Variants in COX4I1 observed in about 807,000 individuals in gnomAD.
COX4I1 encodes cytochrome c oxidase subunit 4I1.
COX4I1 carries 18 observed loss-of-function variants against 21.7 expected under a neutral mutation model. That is an observed-to-expected ratio of 0.83 (90% CI 0.57 to 1.23). The LOEUF is 1.23. Among genes scored for constraint, COX4I1 ranks in the 50% most tolerant of loss-of-function variants. COX4I1 has a pLI of 0.00. For synonymous variants in COX4I1, 100 were observed against 81.5 expected, an observed-to-expected ratio of 1.23 and a Z score of -1.23; for missense variants, 238 against 220.7, an observed-to-expected ratio of 1.08 and a Z score of -0.50.
At chr16:85,806,704 A>C in intron 4 of COX4I1, 34 bp from the exon 5 acceptor site, 1 of 1,613,948 alleles carries the variant, frequency 6.2e-7, no homozygotes, top group South Asian at 1.1e-5. Context: ...ACCTGTTGAG[A>C]TAGTCTTGCC....
At chr16:85,802,080 G>T (rs1905809056) in intron 2 of COX4I1, among the ~76,000 whole-genome samples, 1 of 152,140 alleles carries the variant, frequency 6.6e-6, no homozygotes, top group South Asian at 2.1e-4. Flanking sequence ...GGTCTTGCCT[G>T]CCTTTCCGAT....
In COX4I1 at chr16:85,804,936, G is replaced by C; in HGVS notation, c.74-1G>C. ...AAAGATTTATTCAATATGTTTTTCA[G>C]AAAGTGTTGTGAAGAGCGAAGACTT... On this transcript the variant is annotated splice_acceptor_variant, in intron 2 of 4. Coordinates refer to ENST00000253452, the MANE Select transcript of COX4I1 (RefSeq NM_001861.6). LOFTEE classifies it high-confidence loss of function. 1 of 1,599,472 alleles carries C rather than the reference G, an allele frequency of 6.3e-7. No homozygotes were observed. Among genetic ancestry groups the C allele is most frequent in the Non-Finnish European group, 8.5e-7 (1 of 1,173,432 alleles).
At chr16:85,800,930 T>C (rs1302068303) in intron 1 of COX4I1, among the ~76,000 whole-genome samples, 3 of 152,206 alleles carry the variant, frequency 2.0e-5, no homozygotes, top group African/African-American at 7.2e-5. Context: ...GGCCTCTCCT[T>C]GTTTTTTTAA....
At chr16:85,806,199 A>C (rs1906185817) in intron 4 of COX4I1, 2 of 589,246 alleles carry the variant, frequency 3.4e-6, no homozygotes, top group Admixed American at 3.1e-5. Flanking sequence ...GAGCAAGGAT[A>C]AGGGGACTCA....
intron 4 of COX4I1, 37 bp downstream of exon 4, chr16:85,805,901 T>C (rs1567844612): frequency 6.2e-7 from 1 of 1,612,988 alleles, no homozygotes; most frequent in Non-Finnish European, 8.5e-7. Flanking sequence ...GCGCCTGGAC[T>C]GGGGCTCCAG....
intron 3 of COX4I1, 100 bp from the exon 4 acceptor site, chr16:85,805,633 C>G (rs1404222969): frequency 6.5e-7 from 1 of 1,550,174 alleles, no homozygotes; most frequent in African/African-American, 1.4e-5. Context: ...TCTGTGTTTC[C>G]TCCTTCACAA....
At chr16:85,801,299 T>A in intron 2 of COX4I1, 21 bp downstream of exon 2, 1 of 1,597,406 alleles carries the variant, frequency 6.3e-7, no homozygotes, top group Non-Finnish European at 8.6e-7. Flanking sequence ...CTTTTCTTAC[T>A]TTTAAATAGG....
At position 85,805,576 on chromosome 16, in the gene COX4I1, C is replaced by T. The variant is rs149364130; in HGVS notation, c.242-157C>T. 3,111 of 1,049,004 alleles carry T rather than the reference C, an allele frequency of 3.0e-3. 31 individuals are homozygous for T. Among genetic ancestry groups the T allele is most frequent in the African/African-American group, 0.029 (1,853 of 63,264 alleles). 65.0% of individuals were successfully genotyped at this position (1,049,004 alleles called of 1,614,324 possible). On this transcript the variant is annotated intron_variant, in intron 3 of 4. Coordinates refer to ENST00000253452, the MANE Select transcript of COX4I1 (RefSeq NM_001861.6). Reference sequence around the variant, plus strand: ...ATGCCTGCGTGGGCACGTGTGTGCACGTACGTGCGTGAACATGATGTGGCC... The same window carrying T: ...ATGCCTGCGTGGGCACGTGTGTGCATGTACGTGCGTGAACATGATGTGGCC...
At chr16:85,805,551 A>T in intron 3 of COX4I1, 182 bp from the exon 4 acceptor site, 1 of 798,976 alleles carries the variant, frequency 1.3e-6, no homozygotes, top group Non-Finnish European at 1.9e-6. Context: ...GCCCTGTCAC[A>T]TGCCTGCGTG....
Position 85,805,755 on chromosome 16 carries a change from G to T in COX4I1, c.264G>T (p.Glu88Asp), listed in dbSNP as rs1276833253. Reference protein sequence around the residue: ...KVELYRIKFKESFAEMNRGSN... With the variant: ...KVELYRIKFKDSFAEMNRGSN... The stretch of plus-strand genomic sequence containing the variant: ...CAGTGTATCGCATTAAGTTCAAGGA[G>T]AGCTTTGCTGAGATGAACAGGGGCT... Residue 88 changes from glutamate to aspartate, a missense_variant, in exon 4 of 5, where the codon GAG (glutamate) becomes GAT (aspartate). Glu to Asp is a conservative substitution (Grantham distance 45, BLOSUM62 2). Transcript: ENST00000253452. The T allele has an allele frequency of 6.2e-7, 1 of 1,614,148 alleles. No homozygotes were observed. Among genetic ancestry groups the T allele is most frequent in the Non-Finnish European group, 8.5e-7 (1 of 1,180,064 alleles).
At position 85,805,329 on chromosome 16, in the gene COX4I1, G is replaced by T. The variant is rs1342384422; in HGVS notation, c.241+225G>T. 8 of 556,430 alleles carry T rather than the reference G, an allele frequency of 1.4e-5. No homozygotes were observed. The African/African-American group carries it at 1.5e-4, about 10-fold the overall frequency. The allele number at this position is 556,430 out of a possible 1,614,324, so 34.5% of individuals were successfully genotyped here. On this transcript the variant is annotated intron_variant, in intron 3 of 4. Transcript: ENST00000253452. ...TTTGCTAGGCCCCCTTCTCTGTGCTGAGTGGAGGTAGCCTCTCAGCATATC... is the reference window on the plus strand; with the variant it reads ...TTTGCTAGGCCCCCTTCTCTGTGCTTAGTGGAGGTAGCCTCTCAGCATATC...
At chr16:85,805,180 C>T (rs1906092381) in intron 3 of COX4I1, 76 bp downstream of exon 3, 1 of 1,374,464 alleles carries the variant, frequency 7.3e-7, no homozygotes, top group Non-Finnish European at 9.5e-7. Flanking sequence ...CTGCTCACTT[C>T]TGGGCCTACT....
chr16:85,806,678 G>C lies in COX4I1; in HGVS notation c.374-60G>C, dbSNP rs1555601134. The C allele has an allele frequency of 1.3e-5, 21 of 1,613,608 alleles. No homozygotes were observed. The South Asian group carries it at 2.1e-4, about 16-fold the overall frequency. On this transcript the variant is annotated intron_variant, in intron 4 of 4. Coordinates refer to ENST00000253452, the MANE Select transcript of COX4I1 (RefSeq NM_001861.6). ...TCGGGAGGATTTAACCTGTGTGAGG[G>C]ATTGGCCTAGAAACAACCTGTTGAG...
chr16:85,800,059 C>A (rs1487015197), intron 1 of COX4I1, among the ~76,000 whole-genome samples: 4 of 150,940 alleles, frequency 2.7e-5, no homozygotes. Context: ...GGCGGGCCCG[C>A]GCTCTGTGCC....
intron 2 of COX4I1, 92 bp from the exon 3 acceptor site, chr16:85,804,845 C>A: frequency 8.6e-7 from 1 of 1,163,424 alleles, no homozygotes; most frequent in Non-Finnish European, 1.2e-6. Context: ...TCAAGGCGTG[C>A]ACATGTCTGT....
At chr16:85,800,326 A>T (rs990546963) in intron 1 of COX4I1, among the ~76,000 whole-genome samples, 4 of 152,158 alleles carry the variant, frequency 2.6e-5, no homozygotes, top group Admixed American at 2.6e-4. Flanking sequence ...GGGCCGTGTA[A>T]GGTTGATGGG....
chr16:85,801,643 A>C (rs557764128), intron 2 of COX4I1, among the ~76,000 whole-genome samples: 1 of 152,184 alleles, frequency 6.6e-6, no homozygotes, highest in South Asian at 2.1e-4. Context: ...ACCTCTGTTT[A>C]CATTATAGAG....
chr16:85,802,632 G>A lies in COX4I1; in HGVS notation c.73+1354G>A, dbSNP rs1345384983. On this transcript the variant is annotated intron_variant, in intron 2 of 4. Transcript: ENST00000253452. ...GATATTTGTGTGGTGATGCACCTGA[G>A]TAAGGGGTGCCCAGATATACCAGAT... Among the ~76,000 whole-genome samples the A allele has an allele frequency of 2.0e-5, 3 of 152,240 alleles. No individual in the cohort carries two copies. The East Asian group carries it at 5.8e-4, about 29-fold the overall frequency.
At chr16:85,805,248 C>A in intron 3 of COX4I1, 144 bp downstream of exon 3, 1 of 773,652 alleles carries the variant, frequency 1.3e-6, no homozygotes, top group African/African-American at 1.7e-5. Flanking sequence ...GTCACTGTGC[C>A]AGGGCCCCAG....
Sources: gnomAD v4.1 joint callset for allele counts (sites outside exome capture counted in the v4.1 genomes callset) on GRCh38, gnomAD v4.1.1 for gene constraint, MANE v1.5 for transcripts, NCBI Gene and HGNC (gene_info 2026-07-23, HGNC 2026-07-21) for gene names.